RPSA2: variants seen among roughly 807,000 people sequenced by gnomAD.
The protein encoded by RPSA2 is ribosomal protein SA 2.
chr19:23,761,910 T>TCTCTCTCTCTCTCTCTCTCTCTCTCGCTC, the RPSA2 span, among the ~76,000 whole-genome samples: 1 of 93,488 alleles, frequency 1.1e-5, no homozygotes, highest in Admixed American at 1.4e-4. Context: ...AATTCTTTCT[T>TCTCTCTCTCTCTCTCTCTCTCTCTCGCTC]TCTTTCTTTC....
the RPSA2 span, among the ~76,000 whole-genome samples, chr19:23,846,155 GT>G: frequency 1.3e-5 from 2 of 151,836 alleles, no homozygotes; most frequent in African/African-American, 4.8e-5. Flanking sequence ...TCTGTTTTTG[GT>G]TTCTGTTTGT....
the RPSA2 span, chr19:23,758,959 G>C: frequency 1.6e-6 from 1 of 627,536 alleles, no homozygotes; most frequent in South Asian, 1.9e-5. Flanking sequence ...ACAGTTCCCA[G>C]CCCAGCGTCC....
At chr19:23,823,219 C>T in the RPSA2 span, among the ~76,000 whole-genome samples, 1 of 152,186 alleles carries the variant, frequency 6.6e-6, no homozygotes, top group African/African-American at 2.4e-5. Flanking sequence ...AACATACATG[C>T]TAATCGGGTG....
the RPSA2 span, among the ~76,000 whole-genome samples, chr19:23,836,956 C>A: frequency 2.0e-5 from 3 of 151,994 alleles, no homozygotes; most frequent in African/African-American, 4.8e-5. Context: ...GCTGACTGTT[C>A]CTTTTGCCAT....
At chr19:23,824,580 C>CTTTCTTTTCTTTTTT in the RPSA2 span, among the ~76,000 whole-genome samples, 1 of 63,822 alleles carries the variant, frequency 1.6e-5, no homozygotes. Context: ...TATAGCATTT[C>CTTTCTTTTCTTTTTT]TTTTTTTTTT....
the RPSA2 span, among the ~76,000 whole-genome samples, chr19:23,846,126 T>C: frequency 6.6e-6 from 1 of 152,216 alleles, no homozygotes; most frequent in Non-Finnish European, 1.5e-5. Flanking sequence ...TTTTATTTGA[T>C]ATAAGACAGA....
chr19:23,820,503 G>C, the RPSA2 span, among the ~76,000 whole-genome samples: 2 of 152,136 alleles, frequency 1.3e-5, no homozygotes, highest in Non-Finnish European at 2.9e-5. Flanking sequence ...TTCTTTTCTA[G>C]AGTGTGGAGC....
At chr19:23,863,697 A>G in the RPSA2 span, among the ~76,000 whole-genome samples, 1 of 152,186 alleles carries the variant, frequency 6.6e-6, no homozygotes. Flanking sequence ...GCCCCTAGCT[A>G]CTACAAAACT....
the RPSA2 span, among the ~76,000 whole-genome samples, chr19:23,813,532 T>A: frequency 6.6e-6 from 1 of 152,212 alleles, no homozygotes; most frequent in African/African-American, 2.4e-5. Context: ...TCAAGATTTT[T>A]AAGATTTTTT....
At chr19:23,815,629 T>C in the RPSA2 span, among the ~76,000 whole-genome samples, 1 of 152,174 alleles carries the variant, frequency 6.6e-6, no homozygotes, top group Non-Finnish European at 1.5e-5. Context: ...TTATAAATTA[T>C]CCACTCAGGT....
At chr19:23,768,166 A>T in the RPSA2 span, among the ~76,000 whole-genome samples, 1 of 15,556 alleles carries the variant, frequency 6.4e-5, no homozygotes, top group East Asian at 3.3e-3. Context: ...AGAAAAATCT[A>T]GTGATATGTT....
At chr19:23,834,976 T>C in the RPSA2 span, among the ~76,000 whole-genome samples, 1 of 152,096 alleles carries the variant, frequency 6.6e-6, no homozygotes, top group African/African-American at 2.4e-5. Flanking sequence ...ATATGGCATA[T>C]TTTAATACAG....
the RPSA2 span, among the ~76,000 whole-genome samples, chr19:23,806,634 A>T: frequency 6.6e-6 from 1 of 151,700 alleles, no homozygotes; most frequent in African/African-American, 2.4e-5. Context: ...AAATACAAAA[A>T]ATTAGCCAGG....
the RPSA2 span, among the ~76,000 whole-genome samples, chr19:23,774,928 C>T: frequency 6.6e-6 from 1 of 152,208 alleles, no homozygotes; most frequent in Non-Finnish European, 1.5e-5. Context: ...CTCCTGCTCA[C>T]TCCCTATCCA....
At chr19:23,831,428 G>A in the RPSA2 span, among the ~76,000 whole-genome samples, 2 of 152,032 alleles carry the variant, frequency 1.3e-5, no homozygotes, top group Non-Finnish European at 2.9e-5. Flanking sequence ...ATTTGGGTCT[G>A]TATATTTTAG....
chr19:23,793,017 G>A, the RPSA2 span, among the ~76,000 whole-genome samples: 1 of 152,222 alleles, frequency 6.6e-6, no homozygotes, highest in South Asian at 2.1e-4. Context: ...CAGACTGAGG[G>A]TAAGCTCAAA....
chr19:23,843,421 A>G, the RPSA2 span, among the ~76,000 whole-genome samples: 19 of 152,294 alleles, frequency 1.2e-4, no homozygotes, highest in African/African-American at 4.3e-4. Context: ...TAGTTCTTAT[A>G]TAGGAGCATC....
At chr19:23,859,226 C>T in the RPSA2 span, among the ~76,000 whole-genome samples, 1 of 152,186 alleles carries the variant, frequency 6.6e-6, no homozygotes, top group Non-Finnish European at 1.5e-5. Context: ...GCAAAAACTG[C>T]TACGTACAAA....
At chr19:23,821,126 AT>A in the RPSA2 span, among the ~76,000 whole-genome samples, 30 of 152,216 alleles carry the variant, frequency 2.0e-4, no homozygotes, top group Non-Finnish European at 3.1e-4. Flanking sequence ...TCATTATTGG[AT>A]TTGATAACCA....
Sources: gnomAD v4.1 joint callset for allele counts (sites outside exome capture counted in the v4.1 genomes callset) on GRCh38, gnomAD v4.1.1 for gene constraint, MANE v1.5 for transcripts, NCBI Gene and HGNC (gene_info 2026-07-23, HGNC 2026-07-21) for gene names.